Variants in SLIT3 observed in about 807,000 individuals in gnomAD.
SLIT3 encodes slit homolog 3 protein.
A neutral mutation model predicts 184.0 loss-of-function variants in SLIT3; 68 were observed. The ratio of observed to expected loss-of-function variants is 0.37; its 90% confidence interval spans 0.30 to 0.45. SLIT3 has a LOEUF of 0.45. SLIT3 is among the 20% of genes least tolerant of loss of function. The pLI is 1.00. For synonymous variants in SLIT3, 831 were observed against 828.6 expected (o/e 1.00, Z -0.05); for missense variants, 1,707 against 2,026.0 (o/e 0.84, Z 3.02).
At chr5:169,186,403 A>G (rs1763337278) in intron 4 of SLIT3, among the ~76,000 whole-genome samples, 1 of 152,212 alleles carries the variant, frequency 6.6e-6, no homozygotes, top group South Asian at 2.1e-4. Flanking sequence ...TTGGACTTCT[A>G]TCCTCCAGAA....
At chr5:169,150,665 G>A (rs1039107820) in intron 4 of SLIT3, among the ~76,000 whole-genome samples, 2 of 152,148 alleles carry the variant, frequency 1.3e-5, no homozygotes, top group African/African-American at 2.4e-5. Context: ...GTGAAAGGCT[G>A]ACTTAAGAGT....
chr5:169,278,635 C>G (rs1766894433), intron 1 of SLIT3, among the ~76,000 whole-genome samples: 1 of 152,168 alleles, frequency 6.6e-6, no homozygotes, highest in Non-Finnish European at 1.5e-5. Flanking sequence ...CTCTGACCCC[C>G]CAAGGTCTGT....
intron 3 of SLIT3, among the ~76,000 whole-genome samples, chr5:169,202,063 C>A (rs1412171265): frequency 4.6e-5 from 7 of 152,052 alleles, no homozygotes; most frequent in African/African-American, 1.7e-4. Flanking sequence ...GAAACCTCAT[C>A]TCTACAAAAA....
rs201023586 is a variant in SLIT3, at chr5:168,673,276, G to T, written c.3742C>A (p.Gln1248Lys). 2.0e-5 allele frequency: 32 copies of T among 1,613,944 alleles called. No individual in the cohort carries two copies. The highest frequency in any genetic ancestry group is 4.4e-5 in the South Asian group (4 of 91,080). Reference sequence around the variant, plus strand: ...TTGTCCACTACTAGGTTCAGGGTCTGGTTTAGCGTCACCAGCTCCACACTG... The same window carrying T: ...TTGTCCACTACTAGGTTCAGGGTCTTGTTTAGCGTCACCAGCTCCACACTG... ...FHSVELVTLN[Q>K]TLNLVVDKGT... Residue 1248 changes from glutamine to lysine, a missense_variant, in exon 33 of 36, where the codon CAG becomes AAG. This residue lies in a region of SLIT3 where 387 missense variants were observed against 477.9 expected (regional missense o/e 0.81). Transcript: ENST00000519560.
intron 1 of SLIT3, among the ~76,000 whole-genome samples, chr5:169,289,080 G>A (rs1767255165): frequency 6.6e-6 from 1 of 152,214 alleles, no homozygotes; most frequent in South Asian, 2.1e-4. Context: ...CCCCTGAGAT[G>A]AGTGTTATTT....
chr5:168,764,901 T>C (rs1169548571), intron 14 of SLIT3, among the ~76,000 whole-genome samples: 1 of 152,216 alleles, frequency 6.6e-6, no homozygotes, highest in Non-Finnish European at 1.5e-5. Flanking sequence ...ACCATTTTCT[T>C]CCAGACCCAT....
Position 169,063,513 on chromosome 5 carries a change from C to T in SLIT3, c.413+129966G>A, listed in dbSNP as rs1272273138. Among the ~76,000 whole-genome samples, 3 of 152,240 alleles carry T rather than the reference C, an allele frequency of 2.0e-5. No homozygotes were observed. The East Asian group carries it at 5.8e-4, about 29-fold the overall frequency. On this transcript the variant is annotated intron_variant, in intron 4 of 35. Transcript: ENST00000519560. ...CCAAGCCCTGCTGCTTTCTGACCCG[C>T]CTCGGGGGCACACCCCTCTGGTCTT...
At chr5:169,055,399 G>T (rs1325650073) in intron 4 of SLIT3, among the ~76,000 whole-genome samples, 1 of 152,230 alleles carries the variant, frequency 6.6e-6, no homozygotes, top group Non-Finnish European at 1.5e-5. Flanking sequence ...TGAGATTAGA[G>T]TTGAATGATG....
At chr5:169,194,880 G>T (rs1004012417) in intron 3 of SLIT3, among the ~76,000 whole-genome samples, 2 of 152,118 alleles carry the variant, frequency 1.3e-5, no homozygotes, top group African/African-American at 2.4e-5. Context: ...TGCTTTCTTC[G>T]GAGCACTGGG....
At chr5:169,159,876 G>T (rs1023899779) in intron 4 of SLIT3, among the ~76,000 whole-genome samples, 4 of 152,174 alleles carry the variant, frequency 2.6e-5, no homozygotes, top group African/African-American at 9.7e-5. Flanking sequence ...ACCAGCACAT[G>T]CCCTTTCCCA....
In SLIT3 at chr5:168,731,277, G is replaced by C. The variant is rs187455310; in HGVS notation, c.2271-6793C>G. Among the ~76,000 whole-genome samples, 196 of 151,834 alleles carry C rather than the reference G, an allele frequency of 1.3e-3. 1 individual carries two copies. The highest frequency in any genetic ancestry group is 4.5e-3 in the African/African-American group (187 of 41,506). ...ACAGTAGACCCCTAATAAGTAGAGA[G>C]ACTGAATCAGTAATACAAAATATCC... On this transcript the variant is annotated intron_variant, in intron 20 of 35. Coordinates refer to ENST00000519560, the MANE Select transcript of SLIT3 (RefSeq NM_003062.4).
rs553399683 is a variant in SLIT3 at position 168,724,112 on chromosome 5, G to A, written c.2339+304C>T. On this transcript the variant is annotated intron_variant, in intron 21 of 35. Coordinates refer to ENST00000519560, the MANE Select transcript of SLIT3 (RefSeq NM_003062.4). ...AATTAACCCCAATGTCCATAGTTCC[G>A]AAGTTGAGAAATCCTTATCTAGAGG... Among the ~76,000 whole-genome samples, 370 of 152,278 alleles carry A rather than the reference G, an allele frequency of 2.4e-3. 2 individuals are homozygous for A. The highest frequency in any genetic ancestry group is 8.3e-3 in the African/African-American group (343 of 41,566).
intron 4 of SLIT3, among the ~76,000 whole-genome samples, chr5:169,056,656 A>G (rs542389987): frequency 6.6e-6 from 1 of 152,150 alleles, no homozygotes; most frequent in East Asian, 1.9e-4. Flanking sequence ...GCTGGCTTCC[A>G]GGATTCATGC....
At chr5:168,816,539 G>A (rs1757339354) in intron 8 of SLIT3, among the ~76,000 whole-genome samples, 1 of 149,412 alleles carries the variant, frequency 6.7e-6, no homozygotes, top group Non-Finnish European at 1.5e-5. Context: ...GGGTTACTCA[G>A]CCACCTCCCA....
At chr5:168,968,630 C>T (rs1339972616) in intron 4 of SLIT3, among the ~76,000 whole-genome samples, 1 of 152,226 alleles carries the variant, frequency 6.6e-6, no homozygotes, top group African/African-American at 2.4e-5. Flanking sequence ...CAGTAGCAAT[C>T]TGCCTCCCAC....
At chr5:169,253,866 G>T (rs1182684082) in intron 1 of SLIT3, among the ~76,000 whole-genome samples, 2 of 152,148 alleles carry the variant, frequency 1.3e-5, no homozygotes, top group Non-Finnish European at 2.9e-5. Context: ...GAATAATGGG[G>T]CCAAGGGTAC....
At position 168,671,494 on chromosome 5, in the gene SLIT3, G is replaced by A. The variant is rs1423190013; in HGVS notation, c.3842-11C>T. ...TGGAGGTGGGGATGCCTGTGGGAGG[G>A]GAGCCAGGACAGTGGCCTGAAGACC... On this transcript the variant is annotated splice_polypyrimidine_tract_variant and intron_variant, in intron 33 of 35. Coordinates refer to ENST00000519560, the MANE Select transcript of SLIT3 (RefSeq NM_003062.4). The A allele has an allele frequency of 1.9e-6, 3 of 1,607,054 alleles. No homozygotes were observed. The highest frequency in any genetic ancestry group is 2.2e-5 in the East Asian group (1 of 44,612).
rs1762894420 is a variant in SLIT3 at position 168,958,190 on chromosome 5, A to G, written c.414-74854T>C. ...TTTCAAAGGATTAGGATGTAAGAAAATCCACTTAGCACTGAAAGTTTTTTA... is the reference window on the plus strand; with the variant it reads ...TTTCAAAGGATTAGGATGTAAGAAAGTCCACTTAGCACTGAAAGTTTTTTA... On this transcript the variant is annotated intron_variant, in intron 4 of 35. Coordinates refer to ENST00000519560, the MANE Select transcript of SLIT3 (RefSeq NM_003062.4). Among the ~76,000 whole-genome samples the G allele has an allele frequency of 2.6e-5, 4 of 152,182 alleles. 1 individual carries two copies. The South Asian group carries it at 8.3e-4, about 32-fold the overall frequency.
chr5:168,876,092 C>T (rs373477149), intron 5 of SLIT3, among the ~76,000 whole-genome samples: 7 of 152,234 alleles, frequency 4.6e-5, no homozygotes, highest in South Asian at 2.1e-4. Context: ...GCGTCAGAGC[C>T]GGCTTGCACT....
Sources: gnomAD v4.1 joint callset for allele counts (sites outside exome capture counted in the v4.1 genomes callset) on GRCh38, gnomAD v4.1.1 for gene constraint, gnomAD v4.1.1 regional missense constraint, MANE v1.5 for transcripts, NCBI Gene and HGNC (gene_info 2026-07-23, HGNC 2026-07-21) for gene names.